Variants in RBM39 observed in about 807,000 individuals in gnomAD.
RBM39 encodes the protein RNA binding motif protein 39.
In RBM39, 12 loss-of-function variants were observed where a neutral mutation model predicts 79.6. The ratio of observed to expected loss-of-function variants is 0.15; its 90% CI spans 0.10 to 0.24. The LOEUF (loss-of-function observed/expected upper bound fraction) is 0.24. Ranked by LOEUF, RBM39 falls within the 10% of genes least tolerant of loss-of-function variation. The pLI is 1.00. For missense variants in RBM39, 243 were observed against 653.4 expected (o/e 0.37, Z 6.85); for synonymous variants, 185 against 208.4 (o/e 0.89, Z 0.97).
intron 3 of RBM39, chr20:35,734,727 G>T: frequency 1.9e-6 from 2 of 1,072,870 alleles, no homozygotes; most frequent in Non-Finnish European, 1.2e-6. Context: ...CAGGTAAAAA[G>T]ACAGCAACAT....
chr20:35,718,216 A>G (rs945106354), intron 9 of RBM39, among the ~76,000 whole-genome samples: 10 of 152,068 alleles, frequency 6.6e-5, no homozygotes, highest in African/African-American at 2.2e-4. Flanking sequence ...AAAGAAACAA[A>G]GTTTATTTGC....
intron 12 of RBM39, among the ~76,000 whole-genome samples, chr20:35,711,596 T>C (rs1173968860): frequency 6.6e-6 from 1 of 152,184 alleles, no homozygotes; most frequent in Non-Finnish European, 1.5e-5. Flanking sequence ...TCATACAATT[T>C]ATAGAAAGGA....
intron 9 of RBM39, among the ~76,000 whole-genome samples, chr20:35,717,737 C>G (rs1488493799): frequency 6.6e-6 from 1 of 152,180 alleles, no homozygotes. Flanking sequence ...GGTCTGTAAT[C>G]CGAGCACTTT....
chr20:35,709,127 C>G, intron 13 of RBM39, 97 bp downstream of exon 13: 1 of 1,139,818 alleles, frequency 8.8e-7, no homozygotes, highest in Admixed American at 2.3e-5. Flanking sequence ...GTCCAAATTA[C>G]TGGTATAAAA....
chr20:35,739,653 A>G (rs1331058579), intron 2 of RBM39: 1 of 400,504 alleles, frequency 2.5e-6, no homozygotes, highest in African/African-American at 2.1e-5. Context: ...TCCTACTTCC[A>G]TACCTGTTTA....
intron 6 of RBM39, among the ~76,000 whole-genome samples, chr20:35,727,840 C>G (rs529018931): frequency 6.6e-6 from 1 of 152,100 alleles, no homozygotes; most frequent in Non-Finnish European, 1.5e-5. Flanking sequence ...TTAGTACAGA[C>G]AGGGTTTCAC....
intron 10 of RBM39, among the ~76,000 whole-genome samples, chr20:35,715,928 C>T (rs920536525): frequency 1.3e-5 from 2 of 152,194 alleles, no homozygotes; most frequent in African/African-American, 4.8e-5. Context: ...CAAGCAATAA[C>T]AAGTAAAGGC....
chr20:35,713,294 C>T (rs912287302), intron 11 of RBM39, 198 bp from the exon 12 acceptor site: 6 of 464,298 alleles, frequency 1.3e-5, no homozygotes, highest in Admixed American at 3.8e-5. Context: ...CGAGACCAAC[C>T]TGGGCAACAA....
chr20:35,725,927 G>C (rs1483026994), intron 6 of RBM39, among the ~76,000 whole-genome samples: 1 of 152,184 alleles, frequency 6.6e-6, no homozygotes, highest in East Asian at 1.9e-4. Context: ...GCCTCCCAAA[G>C]TGCTGGGATT....
chr20:35,718,050 G>A (rs974172490), intron 9 of RBM39, among the ~76,000 whole-genome samples: 7 of 151,898 alleles, frequency 4.6e-5, no homozygotes, highest in East Asian at 3.9e-4. Flanking sequence ...TAGTATAGAC[G>A]GGGTTTCACC....
intron 3 of RBM39, among the ~76,000 whole-genome samples, chr20:35,735,451 TTA>T (rs2146716567): frequency 6.6e-6 from 1 of 152,324 alleles, no homozygotes; most frequent in East Asian, 1.9e-4. Flanking sequence ...TTAAAAAAAT[TTA>T]TACTCAGTCA....
chr20:35,724,915 G>A, intron 7 of RBM39, 123 bp downstream of exon 7: 1 of 983,494 alleles, frequency 1.0e-6, no homozygotes, highest in Non-Finnish European at 1.5e-6. Context: ...AATACTACAA[G>A]AGGCAAAATG....
chr20:35,716,696 A>T (rs544094390), intron 10 of RBM39, 44 bp downstream of exon 10: 2 of 1,165,966 alleles, frequency 1.7e-6, no homozygotes, highest in East Asian at 2.7e-5. Context: ...ATGTAGTTTA[A>T]AAAAAAAAAA....
intron 12 of RBM39, among the ~76,000 whole-genome samples, chr20:35,712,779 T>G (rs970485838): frequency 2.0e-5 from 3 of 152,198 alleles, no homozygotes; most frequent in African/African-American, 7.2e-5. Context: ...AATAAACTTA[T>G]GTCAATGAAT....
chr20:35,706,696 T>A (rs776516369), intron 14 of RBM39, among the ~76,000 whole-genome samples: 2 of 152,098 alleles, frequency 1.3e-5, no homozygotes, highest in Non-Finnish European at 1.5e-5. Context: ...CGAAAAATTA[T>A]TTTAAAAGGA....
chr20:35,716,943 G>T, intron 9 of RBM39, 138 bp from the exon 10 acceptor site: 1 of 588,994 alleles, frequency 1.7e-6, no homozygotes, highest in Non-Finnish European at 3.0e-6. Context: ...TCATCACCAA[G>T]AAGTCTTTTT....
intron 6 of RBM39, among the ~76,000 whole-genome samples, chr20:35,725,721 G>T (rs1414694839): frequency 6.8e-6 from 1 of 146,822 alleles, no homozygotes; most frequent in African/African-American, 2.5e-5. Context: ...GGAGTGCAAC[G>T]GCGCCATCTT....
intron 3 of RBM39, chr20:35,735,071 T>A (rs200972023): frequency 6.4e-7 from 1 of 1,567,686 alleles, no homozygotes. Flanking sequence ...AAATTTTTAA[T>A]GCAAAGTATT....
intron 8 of RBM39, among the ~76,000 whole-genome samples, chr20:35,724,223 T>G (rs1319725236): frequency 6.6e-6 from 1 of 151,790 alleles, no homozygotes; most frequent in African/African-American, 2.4e-5. Flanking sequence ...TCCCAGCTAC[T>G]CAGGAGGCTG....
Sources: gnomAD v4.1 joint callset for allele counts (sites outside exome capture counted in the v4.1 genomes callset) on GRCh38, gnomAD v4.1.1 for gene constraint, MANE v1.5 for transcripts, NCBI Gene and HGNC (gene_info 2026-07-23, HGNC 2026-07-21) for gene names.